Variants in DCHS2 observed in about 807,000 individuals in gnomAD.
The protein encoded by DCHS2 is dachsous cadherin-related 2, also known as protocadherin-23.
In DCHS2, 142 loss-of-function variants were observed where a neutral mutation model predicts 182.4. That is an observed-to-expected ratio of 0.78 (90% CI 0.68 to 0.89). The LOEUF is 0.89. Among genes scored for constraint, DCHS2 ranks in the 40% least tolerant of loss-of-function variants. DCHS2 has a pLI of 0.00. For missense variants in DCHS2, 4,319 were observed against 4,198.6 expected (o/e 1.03, Z -0.79); for synonymous variants, 1,740 against 1,663.3 (o/e 1.05, Z -1.12).
chr4:154,400,027 G>A (rs1225675162), intron 1 of DCHS2, among the ~76,000 whole-genome samples: 2 of 152,186 alleles, frequency 1.3e-5, no homozygotes, highest in East Asian at 3.9e-4. Context: ...TTCACGGCCG[G>A]GCGCGGTGGC....
chr4:154,480,215 A>G (rs1465135611), intron 1 of DCHS2, among the ~76,000 whole-genome samples: 1 of 152,230 alleles, frequency 6.6e-6, no homozygotes, highest in African/African-American at 2.4e-5. Context: ...TAACAAAACA[A>G]TTGTTAAAAA....
chr4:154,486,184 TA>T (rs1173664059), intron 1 of DCHS2, among the ~76,000 whole-genome samples: 1 of 152,222 alleles, frequency 6.6e-6, no homozygotes, highest in Non-Finnish European at 1.5e-5. Flanking sequence ...CTCAGTTTGC[TA>T]ATGGTTCTTG....
Position 154,320,655 on chromosome 4 carries a change from T to C in DCHS2, c.4744A>G (p.Thr1582Ala), listed in dbSNP as rs1736022786. The change falls in exon 9 of 20, where the codon ACT (threonine) becomes GCT (alanine). Residue 1582 changes from threonine to alanine, a missense_variant. By Grantham distance (58) the Thr-to-Ala change is moderately conservative. Transcript: ENST00000357232. ...VSRLDRESIP[T>A]VILTVTASDQ... is the part of the protein sequence containing the mutation. ...GATGCTGTTACTGTCAGGATGACAG[T>C]TGGAATGCTTTCTCTGTCAAGACGG... The C allele has an allele frequency of 1.2e-6, 2 of 1,614,100 alleles. No homozygotes were observed. Among genetic ancestry groups the C allele is most frequent in the Admixed American group, 1.7e-5 (1 of 60,008 alleles).
At chr4:154,306,868 C>T (rs1258884031) in intron 10 of DCHS2, among the ~76,000 whole-genome samples, 3 of 152,154 alleles carry the variant, frequency 2.0e-5, no homozygotes, top group African/African-American at 7.2e-5. Context: ...GATCTTTCTG[C>T]TGTCCCTTCC....
At chr4:154,440,447 A>G (rs979672700) in intron 1 of DCHS2, among the ~76,000 whole-genome samples, 12 of 143,210 alleles carry the variant, frequency 8.4e-5, no homozygotes, top group Admixed American at 3.7e-4. Flanking sequence ...TTTTGAAATT[A>G]TTGTCCCTCA....
At chr4:154,242,557 T>C in intron 17 of DCHS2, 85 bp downstream of exon 17, 1 of 1,515,454 alleles carries the variant, frequency 6.6e-7, no homozygotes. Flanking sequence ...TTAGCACTCA[T>C]GTTAATACAG....
chr4:154,400,313 A>AAAAAAAAAG, intron 1 of DCHS2, among the ~76,000 whole-genome samples: 1 of 151,434 alleles, frequency 6.6e-6, no homozygotes, highest in East Asian at 1.9e-4. Context: ...AAAAAAAAAA[A>AAAAAAAAAG]AAAAGGAAGT....
chr4:154,272,056 G>T (rs2111209567), intron 13 of DCHS2: 1 of 152,056 alleles, frequency 6.6e-6, no homozygotes, highest in South Asian at 2.1e-4. Flanking sequence ...CTTTTGCTCA[G>T]CATTTTTTGA....
intron 1 of DCHS2, among the ~76,000 whole-genome samples, chr4:154,378,541 G>GAAGA (rs1554012161): frequency 2.0e-5 from 3 of 150,012 alleles, no homozygotes; most frequent in Non-Finnish European, 4.5e-5. Flanking sequence ...AGGAAGGAAG[G>GAAGA]AAGGAAGGAA....
intron 3 of DCHS2, among the ~76,000 whole-genome samples, chr4:154,338,020 G>A (rs995576170): frequency 1.3e-5 from 2 of 152,108 alleles, no homozygotes; most frequent in Admixed American, 6.5e-5. Context: ...ATAGGTGTGA[G>A]CCACTGCACT....
chr4:154,282,119 G>T (rs1734174207), intron 13 of DCHS2, among the ~76,000 whole-genome samples: 1 of 152,010 alleles, frequency 6.6e-6, no homozygotes. Flanking sequence ...ATTTAGCAAT[G>T]ATTCATTCTT....
chr4:154,265,662 AAT>A (rs1454486640), intron 14 of DCHS2, among the ~76,000 whole-genome samples: 1 of 152,180 alleles, frequency 6.6e-6, no homozygotes, highest in Non-Finnish European at 1.5e-5. Context: ...TCAAGTTACT[AAT>A]TATCTCTGGG....
At chr4:154,472,636 A>G (rs369313728) in intron 1 of DCHS2, among the ~76,000 whole-genome samples, 9 of 152,208 alleles carry the variant, frequency 5.9e-5, no homozygotes, top group South Asian at 2.1e-4. Context: ...AGTTCATTTT[A>G]TAATAGTAAT....
chr4:154,296,298 G>A (rs569330797), intron 13 of DCHS2, among the ~76,000 whole-genome samples: 4 of 152,256 alleles, frequency 2.6e-5, no homozygotes, highest in South Asian at 2.1e-4. Context: ...GAACAGTTAC[G>A]TTTTCTCTAA....
chr4:154,281,314 TAAAC>T (rs1416141714), intron 13 of DCHS2, among the ~76,000 whole-genome samples: 5 of 152,082 alleles, frequency 3.3e-5, no homozygotes, highest in Non-Finnish European at 5.9e-5. Flanking sequence ...GAAAAACTAA[TAAAC>T]AAATTCAGCA....
chr4:154,389,767 C>T (rs867370579), intron 1 of DCHS2, among the ~76,000 whole-genome samples: 78 of 151,136 alleles, frequency 5.2e-4, no homozygotes, highest in African/African-American at 1.8e-3. Context: ...AAAACACACA[C>T]ACAAATCAAA....
intron 13 of DCHS2, among the ~76,000 whole-genome samples, chr4:154,278,561 C>T (rs1048579474): frequency 7.3e-5 from 11 of 151,024 alleles, no homozygotes; most frequent in Admixed American, 2.0e-4. Flanking sequence ...AAGAAATCTA[C>T]GTGAGAACAC....
intron 1 of DCHS2, among the ~76,000 whole-genome samples, chr4:154,459,333 T>G (rs550377281): frequency 1.3e-5 from 2 of 152,246 alleles, no homozygotes; most frequent in African/African-American, 4.8e-5. Context: ...AACTCCTGCC[T>G]TCAAAGCTCT....
At chr4:154,380,179 G>A (rs916229440) in intron 1 of DCHS2, among the ~76,000 whole-genome samples, 1 of 152,072 alleles carries the variant, frequency 6.6e-6, no homozygotes, top group African/African-American at 2.4e-5. Flanking sequence ...TGCTTTAATT[G>A]TCTATTTCTT....
Sources: allele counts gnomAD v4.1 joint callset (sites outside exome capture counted in the v4.1 genomes callset), GRCh38; gene constraint gnomAD v4.1.1; transcripts MANE v1.5; gene names NCBI Gene and HGNC (gene_info 2026-07-23, HGNC 2026-07-21).